PCDHGA1: variants seen among roughly 807,000 people sequenced by gnomAD.
The protein encoded by PCDHGA1 is protocadherin gamma-A1.
PCDHGA1 carries 32 observed loss-of-function variants against 58.0 expected under a neutral mutation model. That is an observed-to-expected ratio of 0.55 (90% CI 0.42 to 0.74). The LOEUF (loss-of-function observed/expected upper bound fraction) is 0.74. Among genes scored for constraint, PCDHGA1 ranks in the 30% least tolerant of loss-of-function variants. PCDHGA1 has a pLI of 0.00. For missense variants in PCDHGA1, 1,205 were observed against 1,182.3 expected, an observed-to-expected ratio of 1.02 and a Z score of -0.28; for synonymous variants, 498 against 501.1, an observed-to-expected ratio of 0.99 and a Z score of 0.08.
At chr5:141,366,451 C>A (rs372498112) in intron 1 of PCDHGA1, 8 of 1,614,110 alleles carry the variant, frequency 5.0e-6, no homozygotes, top group Non-Finnish European at 6.8e-6. Context: ...TCCTGGCCTT[C>A]GTCATCGTGC....
intron 1 of PCDHGA1, chr5:141,422,864 AC>A (rs2096680510): frequency 1.9e-6 from 3 of 1,614,190 alleles, no homozygotes; most frequent in Non-Finnish European, 2.5e-6. Flanking sequence ...CTCAGCAGCA[AC>A]GTGTCGCTGA....
At position 141,332,344 on chromosome 5, in the gene PCDHGA1, G is replaced by C. The variant is rs748080573; in HGVS notation, c.1660G>C (p.Asp554His). The C allele has an allele frequency of 6.2e-7, 1 of 1,614,192 alleles. No homozygotes were observed. The highest frequency in any genetic ancestry group is 1.1e-5 in the South Asian group (1 of 91,088). Residue 554 changes from aspartate to histidine, a missense_variant, in exon 1 of 4, where the codon GAC (aspartate) becomes CAC (histidine). Coordinates refer to ENST00000517417, the MANE Select transcript of PCDHGA1 (RefSeq NM_018912.3). The surrounding 1 kb of genome is among the most constrained non-coding windows in gnomAD (Gnocchi z 4.6). ...CGTGTCTCTCAGCCTATTCCTGCTG[G>C]ACCAGAACGACAACGCGCCCGAGAT... ...SNVSLSLFLL[D>H]QNDNAPEILY...
At chr5:141,362,707 GT>G in intron 1 of PCDHGA1, 1 of 974,024 alleles carries the variant, frequency 1.0e-6, no homozygotes, top group Non-Finnish European at 1.5e-6. Flanking sequence ...AATTTTAAGT[GT>G]TTTCTCTCTG....
At chr5:141,449,251 A>T (rs918418872) in intron 1 of PCDHGA1, among the ~76,000 whole-genome samples, 10 of 152,256 alleles carry the variant, frequency 6.6e-5, no homozygotes, top group Middle Eastern at 3.4e-3. Flanking sequence ...AGTTGCAAGA[A>T]TTGTACAAAG....
In PCDHGA1 at chr5:141,431,375, G is replaced by T. The variant is rs139873616; in HGVS notation, c.2422-63432G>T. ...ACGCGCCCTGGACCGCGAAGAAAAGGCTGCTCACCACCTGGTCCTTACGGC... is the reference window on the plus strand; with the variant it reads ...ACGCGCCCTGGACCGCGAAGAAAAGTCTGCTCACCACCTGGTCCTTACGGC... On this transcript the variant is annotated intron_variant, in intron 1 of 3. Coordinates refer to ENST00000517417, the MANE Select transcript of PCDHGA1 (RefSeq NM_018912.3). This position sits in a 1 kb window ranked among gnomAD's most constrained non-coding sequence, Gnocchi z 4.8. 21 of 1,613,422 alleles carry T rather than the reference G, an allele frequency of 1.3e-5. No homozygotes were observed. The African/African-American group carries it at 2.8e-4, about 21-fold the overall frequency.
chr5:141,372,928 T>C, intron 1 of PCDHGA1: 1 of 925,756 alleles, frequency 1.1e-6, no homozygotes, highest in Non-Finnish European at 1.6e-6. Context: ...GATTTTCTGG[T>C]GTAGAGTAGG....
chr5:141,344,795 C>G (rs200798114), intron 1 of PCDHGA1: 1 of 1,613,938 alleles, frequency 6.2e-7, no homozygotes, highest in East Asian at 2.2e-5. Flanking sequence ...TTTGGGAGAA[C>G]GTGCCTGTGG....
intron 1 of PCDHGA1, chr5:141,350,594 A>C: frequency 6.2e-7 from 1 of 1,614,004 alleles, no homozygotes; most frequent in Non-Finnish European, 8.5e-7. Context: ...AAACCCAATG[A>C]ATGTTTTCCA....
At position 141,419,268 on chromosome 5, in the gene PCDHGA1, C is replaced by T. The variant is rs1240259934; in HGVS notation, c.2422-75539C>T. 6.2e-6 allele frequency: 10 copies of T among 1,614,050 alleles called. No homozygotes were observed. The East Asian group carries it at 2.2e-4, about 36-fold the overall frequency. ...CCAGAAAACAACCAGCCGGGTGCCT[C>T]CATAGCGCAAGTCAGTGCCTCTGAC... is the stretch of plus-strand genomic sequence containing the variant. On this transcript the variant is annotated intron_variant, in intron 1 of 3. Transcript: ENST00000517417.
intron 1 of PCDHGA1, among the ~76,000 whole-genome samples, chr5:141,433,974 C>A (rs1045247496): frequency 6.6e-6 from 1 of 152,026 alleles, no homozygotes; most frequent in Non-Finnish European, 1.5e-5. Context: ...GGCTTTCTAC[C>A]TTGAAGAAGA....
chr5:141,399,213 T>C (rs2093770836), intron 1 of PCDHGA1: 1 of 1,613,852 alleles, frequency 6.2e-7, no homozygotes, highest in Non-Finnish European at 8.5e-7. Context: ...GAACACTAAT[T>C]GCTTTGATCA....
Position 141,489,458 on chromosome 5 carries a change from G to T in PCDHGA1, c.2422-5349G>T, listed in dbSNP as rs143138320. 1 of 1,613,924 alleles carries T rather than the reference G, an allele frequency of 6.2e-7. No homozygotes were observed. Among genetic ancestry groups the T allele is most frequent in the Non-Finnish European group, 8.5e-7 (1 of 1,180,000 alleles). On this transcript the variant is annotated intron_variant, in intron 1 of 3. Coordinates refer to ENST00000517417, the MANE Select transcript of PCDHGA1 (RefSeq NM_018912.3). The surrounding 1 kb of genome is among the most constrained non-coding windows in gnomAD (Gnocchi z 4.5). ...CAATTGGGCTCTGAGGAGAATGGGC[G>T]CTATTTTTCCCTGAGCTTGATGAGT...
chr5:141,350,919 G>C (rs764794387), intron 1 of PCDHGA1: 1 of 1,614,098 alleles, frequency 6.2e-7, no homozygotes, highest in East Asian at 2.2e-5. Context: ...CCGCCTCTAA[G>C]CGGCACCACC....
At chr5:141,426,756 G>C in intron 1 of PCDHGA1, 1 of 456,302 alleles carries the variant, frequency 2.2e-6, no homozygotes, top group Non-Finnish European at 4.4e-6. Context: ...ATCTGCTATA[G>C]ATGCAGATGT....
intron 1 of PCDHGA1, chr5:141,400,265 G>T (rs2093992954): frequency 6.2e-7 from 1 of 1,613,876 alleles, no homozygotes. Context: ...CGCCTGCGAC[G>T]CTCCTCCAGC....
intron 1 of PCDHGA1, among the ~76,000 whole-genome samples, chr5:141,407,155 TG>T (rs1451933301): frequency 1.3e-5 from 2 of 152,232 alleles, no homozygotes; most frequent in Non-Finnish European, 2.9e-5. Flanking sequence ...CTGAAGTGTC[TG>T]GGAATCCTTT....
chr5:141,510,448 C>T (rs1339979584), intron 3 of PCDHGA1, among the ~76,000 whole-genome samples: 1 of 152,016 alleles, frequency 6.6e-6, no homozygotes, highest in Non-Finnish European at 1.5e-5. Context: ...TCCAGGAGCC[C>T]ATGGTCTAGT....
intron 1 of PCDHGA1, chr5:141,372,834 C>A (rs1343091313): frequency 3.9e-6 from 6 of 1,536,106 alleles, no homozygotes; most frequent in South Asian, 1.2e-5. Flanking sequence ...ACCTTTCCTT[C>A]CATAAATATA....
At chr5:141,388,685 G>A (rs2091454291) in intron 1 of PCDHGA1, 5 of 1,613,932 alleles carry the variant, frequency 3.1e-6, no homozygotes, top group East Asian at 2.2e-5. Flanking sequence ...TGACTGCCAC[G>A]GACCAGGATG....
Sources: gnomAD v4.1 joint callset for allele counts (sites outside exome capture counted in the v4.1 genomes callset) on GRCh38, gnomAD v4.1.1 for gene constraint, Gnocchi (gnomAD v3.1) non-coding constraint, MANE v1.5 for transcripts, NCBI Gene and HGNC (gene_info 2026-07-23, HGNC 2026-07-21) for gene names.